The following TSHR variants were observed in gnomAD, a reference collection of about 807,000 sequenced individuals.
The protein encoded by TSHR is thyroid stimulating hormone receptor.
In TSHR, 51 loss-of-function variants were observed where a neutral mutation model predicts 64.1. That is an observed-to-expected ratio of 0.80 (90% confidence interval 0.64 to 1.01). The LOEUF is 1.01. Ranked by LOEUF, TSHR falls within the 50% of genes least tolerant of loss-of-function variation. The probability of loss-of-function intolerance (pLI) is 0.00; values close to 1 mark genes in which losing one functional copy is unlikely to be tolerated. For missense variants in TSHR, 877 were observed against 942.8 expected, an observed-to-expected ratio of 0.93 and a Z score of 0.91; for synonymous variants, 361 against 361.9, an observed-to-expected ratio of 1.00 and a Z score of 0.03.
chr14:80,981,040 C>A (rs374235906), intron 1 of TSHR, among the ~76,000 whole-genome samples: 2 of 151,968 alleles, frequency 1.3e-5, no homozygotes, highest in East Asian at 3.9e-4. Context: ...CTCTGTAATT[C>A]TTGGGGGTGT....
At chr14:80,982,784 C>A in intron 1 of TSHR, 1 of 569,966 alleles carries the variant, frequency 1.8e-6, no homozygotes, top group Non-Finnish European at 3.1e-6. Context: ...ACAGCCTGCC[C>A]TTGTAGGAAC....
At chr14:81,033,447 C>T (rs1884454309) in intron 1 of TSHR, 2 of 165,906 alleles carry the variant, frequency 1.2e-5, no homozygotes, top group Admixed American at 6.3e-5. Context: ...ACTTTCCTTT[C>T]AGGGTTTGAA....
chr14:81,139,931 GT>G (rs1891615937), intron 9 of TSHR, 64 bp downstream of exon 9: 2 of 1,592,100 alleles, frequency 1.3e-6, no homozygotes, highest in Non-Finnish European at 1.7e-6. Context: ...TCATTTCTTG[GT>G]TTTGGGGAAG....
chr14:80,964,564 G>A (rs1399438459), intron 1 of TSHR, among the ~76,000 whole-genome samples: 8 of 152,124 alleles, frequency 5.3e-5, no homozygotes, highest in African/African-American at 1.9e-4. Context: ...AGGTTTATTA[G>A]ACAAAAGTTC....
At chr14:80,956,720 A>C (rs1184576655) in intron 1 of TSHR, among the ~76,000 whole-genome samples, 4 of 152,346 alleles carry the variant, frequency 2.6e-5, no homozygotes, top group South Asian at 4.1e-4. Flanking sequence ...ATGTTGATAG[A>C]TGAAAAGAAA....
chr14:80,975,957 G>A (rs1887848590), intron 1 of TSHR, among the ~76,000 whole-genome samples: 1 of 151,370 alleles, frequency 6.6e-6, no homozygotes. Context: ...TGTTGCCCAG[G>A]CTGGAGTGCA....
At chr14:81,042,134 C>CA (rs1186103380) in intron 1 of TSHR, among the ~76,000 whole-genome samples, 1 of 151,854 alleles carries the variant, frequency 6.6e-6, no homozygotes, top group African/African-American at 2.4e-5. Context: ...CTCAAAATAC[C>CA]AAAAAATGAC....
chr14:80,973,429 A>AAAAAAAAAAAAAT (rs1566743346), intron 1 of TSHR, among the ~76,000 whole-genome samples: 1 of 146,236 alleles, frequency 6.8e-6, no homozygotes, highest in African/African-American at 2.5e-5. Flanking sequence ...AAAAAAAAAA[A>AAAAAAAAAAAAAT]TCTGTGTACT....
At chr14:81,138,983 A>T (rs1891569199) in intron 8 of TSHR, among the ~76,000 whole-genome samples, 1 of 152,132 alleles carries the variant, frequency 6.6e-6, no homozygotes, top group African/African-American at 2.4e-5. Flanking sequence ...AGTAACTAAC[A>T]CTGATGTCTA....
intron 1 of TSHR, among the ~76,000 whole-genome samples, chr14:81,042,493 G>C (rs1224071008): frequency 1.3e-5 from 2 of 152,120 alleles, no homozygotes; most frequent in Non-Finnish European, 2.9e-5. Flanking sequence ...GGGTAATATG[G>C]ATTAATCTAG....
At chr14:81,009,194 T>C (rs1889778969) in intron 1 of TSHR, among the ~76,000 whole-genome samples, 2 of 152,198 alleles carry the variant, frequency 1.3e-5, no homozygotes, top group Admixed American at 1.3e-4. Flanking sequence ...TCTTCATTTG[T>C]GGAAAAGGAA....
At chr14:80,980,220 C>A (rs1461673955) in intron 1 of TSHR, among the ~76,000 whole-genome samples, 12 of 149,334 alleles carry the variant, frequency 8.0e-5, no homozygotes, top group African/African-American at 2.7e-4. Flanking sequence ...TTTGTGGGAA[C>A]ATTCTTTATT....
chr14:80,955,739 G>A lies in TSHR; in HGVS notation c.59G>A (p.Gly20Asp), dbSNP rs2139669485. Residue 20 changes from glycine (G) to aspartate (D), a missense_variant, in exon 1 of 10, where the codon GGC (glycine) becomes GAC (aspartate). By Grantham distance (94) the Gly-to-Asp change is moderately conservative (BLOSUM62 -1). Coordinates refer to ENST00000298171, the MANE Select transcript of TSHR (RefSeq NM_000369.5). ...CTGCTCGACCTGCCCAGGGACCTGG[G>A]CGGAATGGGGTGTTCGTCTCCACCC... ...VLLLDLPRDL[G>D]GMGCSSPPCE... is the part of the protein sequence containing the mutation. 4 of 1,614,194 alleles carry A rather than the reference G, an allele frequency of 2.5e-6. No individual in the cohort carries two copies. The highest frequency in any genetic ancestry group is 3.4e-6 in the Non-Finnish European group (4 of 1,180,026).
intron 1 of TSHR, among the ~76,000 whole-genome samples, chr14:80,974,341 A>G (rs768395116): frequency 6.6e-6 from 1 of 152,208 alleles, no homozygotes; most frequent in Admixed American, 6.5e-5. Context: ...TCTTCCAGAT[A>G]TATTCATTCC....
intron 1 of TSHR, among the ~76,000 whole-genome samples, chr14:80,989,399 A>G (rs1456130102): frequency 1.3e-5 from 2 of 152,140 alleles, no homozygotes; most frequent in East Asian, 1.9e-4. Context: ...TTAAAGCTCA[A>G]ATTTTTAACA....
At chr14:81,038,543 C>G (rs1884765483) in intron 1 of TSHR, among the ~76,000 whole-genome samples, 1 of 150,092 alleles carries the variant, frequency 6.7e-6, no homozygotes, top group Non-Finnish European at 1.5e-5. Flanking sequence ...ATCAATGAAA[C>G]AAAGAATTAT....
At chr14:80,968,559 C>G (rs1887432967) in intron 1 of TSHR, among the ~76,000 whole-genome samples, 1 of 152,144 alleles carries the variant, frequency 6.6e-6, no homozygotes, top group African/African-American at 2.4e-5. Flanking sequence ...GACTCCAATC[C>G]TAGATTTGTC....
chr14:81,097,033 C>G (rs1206374858), intron 7 of TSHR, among the ~76,000 whole-genome samples: 1 of 151,950 alleles, frequency 6.6e-6, no homozygotes, highest in Non-Finnish European at 1.5e-5. Context: ...AAGGTGGTTT[C>G]TCTTTTAGTC....
intron 7 of TSHR, among the ~76,000 whole-genome samples, chr14:81,100,645 A>C (rs1007471787): frequency 6.6e-6 from 1 of 152,238 alleles, no homozygotes; most frequent in Admixed American, 6.5e-5. Flanking sequence ...GGGTTCCCCC[A>C]GTCCCCTCCT....
Sources: allele counts gnomAD v4.1 joint callset (sites outside exome capture counted in the v4.1 genomes callset), GRCh38; gene constraint gnomAD v4.1.1; transcripts MANE v1.5; gene names NCBI Gene and HGNC (gene_info 2026-07-23, HGNC 2026-07-21).